Variants in APBA1 observed in about 807,000 individuals in gnomAD.
APBA1 encodes the protein amyloid beta precursor protein binding family A member 1.
Under a neutral mutation model 86.6 loss-of-function variants are expected in APBA1, and 55 were observed. That is an observed-to-expected ratio of 0.64 (90% CI 0.51 to 0.80). The LOEUF is 0.80. APBA1 is among the 30% of genes least tolerant of loss of function. The pLI is 0.00. For synonymous variants in APBA1, 511 were observed against 493.9 expected (o/e 1.03, Z -0.46); for missense variants, 1,090 against 1,183.0 (o/e 0.92, Z 1.15).
chr9:69,602,957 A>G (rs1328707308), intron 1 of APBA1, among the ~76,000 whole-genome samples: 2 of 152,240 alleles, frequency 1.3e-5, no homozygotes, highest in Non-Finnish European at 2.9e-5. Context: ...CATCTTTCTT[A>G]TCAAAAGACT....
rs1377090099 is a variant in APBA1 at position 69,473,260 on chromosome 9, A to G, written c.1297-1565T>C. ...AAGTGAGAAGATAGGCCCAGTTGAGAGCCAACAGCCAAATCTGTCTAATTC... is the reference window on the plus strand; with the variant it reads ...AAGTGAGAAGATAGGCCCAGTTGAGGGCCAACAGCCAAATCTGTCTAATTC... On this transcript the variant is annotated intron_variant, in intron 3 of 12. Transcript: ENST00000265381. Among the ~76,000 whole-genome samples the G allele has an allele frequency of 2.6e-5, 4 of 152,226 alleles. No individual in the cohort carries two copies. The East Asian group carries it at 7.7e-4, about 29-fold the overall frequency.
At chr9:69,638,547 A>C (rs1019720401) in intron 1 of APBA1, among the ~76,000 whole-genome samples, 2 of 152,140 alleles carry the variant, frequency 1.3e-5, no homozygotes, top group African/African-American at 4.8e-5. Flanking sequence ...ATACTTTATA[A>C]AGTGAATAAT....
chr9:69,470,799 G>T (rs914263893), intron 4 of APBA1, among the ~76,000 whole-genome samples: 1 of 152,114 alleles, frequency 6.6e-6, no homozygotes, highest in African/African-American at 2.4e-5. Context: ...CCTCTAGCCA[G>T]AGAGTGAGTG....
chr9:69,666,843 C>T (rs913027864), intron 1 of APBA1, among the ~76,000 whole-genome samples: 5 of 152,210 alleles, frequency 3.3e-5, no homozygotes, highest in African/African-American at 7.2e-5. Flanking sequence ...GCAACTCATT[C>T]GATGTCCATT....
In APBA1 at chr9:69,639,827, T is replaced by C. The variant is rs181449497; in HGVS notation, c.-70+32326A>G. 3.9e-3 allele frequency among the ~76,000 whole-genome samples: 594 copies of C among 152,260 alleles called. 3 individuals carry two copies. The highest frequency in any genetic ancestry group is 0.014 in the African/African-American group (568 of 41,556). ...GCTAATAAATGAGGGAATAGTAAAA[T>C]CTGAATGTCATCATTTTTAAATCCC... is the stretch of plus-strand genomic sequence containing the variant. On this transcript the variant is annotated intron_variant, in intron 1 of 12. Coordinates refer to ENST00000265381, the MANE Select transcript of APBA1 (RefSeq NM_001163.4).
intron 8 of APBA1, 64 bp from the exon 9 acceptor site, chr9:69,452,365 G>A (rs922167763): frequency 3.2e-5 from 48 of 1,515,442 alleles, no homozygotes; most frequent in African/African-American, 1.2e-4. Flanking sequence ...GCGGCCTGGC[G>A]CACTTCCCAC....
chr9:69,515,954 C>T (rs893379904), intron 2 of APBA1, 57 bp downstream of exon 2: 6 of 1,461,266 alleles, frequency 4.1e-6, no homozygotes, highest in South Asian at 1.4e-5. Flanking sequence ...GGCCATGGGG[C>T]GCCATCTTCC....
At chr9:69,452,077 G>T in intron 9 of APBA1, 45 bp downstream of exon 9, 1 of 1,586,164 alleles carries the variant, frequency 6.3e-7, no homozygotes. Context: ...CCAAGCCCCT[G>T]CCCAGCTGAC....
intron 1 of APBA1, among the ~76,000 whole-genome samples, chr9:69,552,403 C>T (rs750983289): frequency 2.0e-4 from 31 of 152,296 alleles, no homozygotes; most frequent in East Asian, 1.9e-4. Context: ...ATGTCCTGCA[C>T]GAAAATCAAT....
intron 2 of APBA1, among the ~76,000 whole-genome samples, chr9:69,482,655 T>C (rs11138866): frequency 0.38 from 57,069 of 150,940 alleles, 12,272 homozygotes; most frequent in Non-Finnish European, 0.47. Flanking sequence ...ATCATGCTGC[T>C]ATAAAGACAC....
chr9:69,483,746 A>G (rs1359532920), intron 2 of APBA1, among the ~76,000 whole-genome samples: 1 of 152,074 alleles, frequency 6.6e-6, no homozygotes. Flanking sequence ...CCCCTTAAAC[A>G]TTCACATGCA....
chr9:69,494,949 T>C (rs1835772420), intron 2 of APBA1, among the ~76,000 whole-genome samples: 1 of 152,122 alleles, frequency 6.6e-6, no homozygotes, highest in Admixed American at 6.5e-5. Context: ...CTCCACTCAT[T>C]TTCATTAGCA....
At chr9:69,451,437 G>A (rs1239723081) in intron 9 of APBA1, among the ~76,000 whole-genome samples, 2 of 152,288 alleles carry the variant, frequency 1.3e-5, no homozygotes, top group South Asian at 4.1e-4. Flanking sequence ...CCCCTCAGCT[G>A]GACTTGCAGG....
chr9:69,485,927 C>A (rs774796425), intron 2 of APBA1, among the ~76,000 whole-genome samples: 9 of 151,912 alleles, frequency 5.9e-5, no homozygotes, highest in Non-Finnish European at 1.3e-4. Flanking sequence ...AAAAGTATCC[C>A]AAGGCAAAGC....
intron 1 of APBA1, among the ~76,000 whole-genome samples, chr9:69,607,909 C>T (rs1455212452): frequency 6.6e-6 from 1 of 152,124 alleles, no homozygotes; most frequent in Non-Finnish European, 1.5e-5. Context: ...CTCAGAGGGT[C>T]TTTGTGAAAT....
intron 1 of APBA1, among the ~76,000 whole-genome samples, chr9:69,638,921 T>C (rs533395846): frequency 6.6e-6 from 1 of 152,158 alleles, no homozygotes; most frequent in East Asian, 1.9e-4. Context: ...AAAATATAAA[T>C]CCATGAAGTC....
intron 2 of APBA1, among the ~76,000 whole-genome samples, chr9:69,491,994 A>G (rs1206787918): frequency 6.6e-6 from 1 of 151,948 alleles, no homozygotes; most frequent in Non-Finnish European, 1.5e-5. Flanking sequence ...CGAACTCCTG[A>G]CCTCAAGTGA....
At chr9:69,448,251 C>T (rs190029051) in intron 10 of APBA1, among the ~76,000 whole-genome samples, 16 of 152,336 alleles carry the variant, frequency 1.1e-4, no homozygotes, top group East Asian at 3.9e-4. Flanking sequence ...TTATGTTGGC[C>T]GCAGAGCCCT....
intron 1 of APBA1, among the ~76,000 whole-genome samples, chr9:69,549,934 C>A (rs963416864): frequency 2.0e-5 from 3 of 152,142 alleles, no homozygotes; most frequent in African/African-American, 4.8e-5. Context: ...AGATATGGCA[C>A]AGAATCTGGA....
Sources: allele counts gnomAD v4.1 joint callset (sites outside exome capture counted in the v4.1 genomes callset), GRCh38; gene constraint gnomAD v4.1.1; transcripts MANE v1.5; gene names NCBI Gene and HGNC (gene_info 2026-07-23, HGNC 2026-07-21).